GABRA3: variants seen among roughly 807,000 people sequenced by gnomAD.
GABRA3 encodes the protein gamma-aminobutyric acid type A receptor subunit alpha3, also known as gamma-aminobutyric acid receptor subunit alpha-3.
In GABRA3, 10 loss-of-function variants were observed where a neutral mutation model predicts 30.1. That is an observed-to-expected ratio of 0.33 (90% CI 0.20 to 0.56). The LOEUF (loss-of-function observed/expected upper bound fraction) is 0.56, where lower values mean the gene tolerates loss of function less well. Among genes scored for constraint, GABRA3 ranks in the 20% least tolerant of loss-of-function variants. The pLI, the probability that GABRA3 is intolerant of heterozygous loss-of-function variation, is 0.89. For missense variants in GABRA3, 233 were observed against 392.0 expected, an observed-to-expected ratio of 0.59 and a Z score of 3.42; for synonymous variants, 151 against 146.8, an observed-to-expected ratio of 1.03 and a Z score of -0.21.
chrX:152,406,596 T>A (rs865811585), intron 1 of GABRA3, among the ~76,000 whole-genome samples: 5 of 90,972 alleles, frequency 5.5e-5, no homozygotes, highest in Admixed American at 2.5e-4. Context: ...ATATATATAT[T>A]TTTATATGGC....
intron 2 of GABRA3, among the ~76,000 whole-genome samples, chrX:152,363,131 A>G (rs1022428046): frequency 2.7e-5 from 3 of 111,541 alleles, no homozygotes; most frequent in African/African-American, 9.8e-5. Context: ...CACTCAGGGG[A>G]TCTGTAGGGT....
At chrX:152,279,401 G>A (rs1225145581) in intron 4 of GABRA3, among the ~76,000 whole-genome samples, 2 of 111,461 alleles carry the variant, frequency 1.8e-5, no homozygotes, top group Non-Finnish European at 3.8e-5. Context: ...TGTCAGGTTT[G>A]TCAAAGATCA....
intron 2 of GABRA3, among the ~76,000 whole-genome samples, chrX:152,358,134 T>C (rs1458448891): frequency 1.8e-5 from 2 of 111,786 alleles, no homozygotes; most frequent in Non-Finnish European, 3.8e-5. Flanking sequence ...ATCTGTAAAT[T>C]GCTTTTGGAA....
chrX:152,360,456 CA>C (rs946355169), intron 2 of GABRA3, among the ~76,000 whole-genome samples: 1 of 100,566 alleles, frequency 9.9e-6, no homozygotes, highest in African/African-American at 3.6e-5. Flanking sequence ...AACAAAAAAC[CA>C]AACACCGCAT....
chrX:152,249,897 G>A (rs1270050515), intron 5 of GABRA3, among the ~76,000 whole-genome samples: 1 of 110,950 alleles, frequency 9.0e-6, no homozygotes, highest in Non-Finnish European at 1.9e-5. Context: ...ATTTATTGTG[G>A]CTATACCCCA....
intron 1 of GABRA3, among the ~76,000 whole-genome samples, chrX:152,423,948 C>T (rs188998976): frequency 3.1e-4 from 34 of 111,183 alleles, no homozygotes; most frequent in African/African-American, 8.8e-4. Context: ...AAAATACACA[C>T]TAAAACAATA....
At chrX:152,383,280 T>G (rs1266525177) in intron 1 of GABRA3, among the ~76,000 whole-genome samples, 4 of 104,964 alleles carry the variant, frequency 3.8e-5, no homozygotes, top group African/African-American at 1.1e-4. Context: ...TCCCAGCTAC[T>G]CGGGAGGCTG....
intron 2 of GABRA3, among the ~76,000 whole-genome samples, chrX:152,349,858 G>A (rs2124484438): frequency 1.4e-5 from 1 of 73,048 alleles, no homozygotes; most frequent in African/African-American, 5.6e-5. Flanking sequence ...TTAATAATGG[G>A]AGACTTTAAC....
chrX:152,218,331 A>G (rs1937766703), intron 6 of GABRA3, among the ~76,000 whole-genome samples: 1 of 110,879 alleles, frequency 9.0e-6, no homozygotes, highest in East Asian at 2.9e-4. Flanking sequence ...TGTACTTTGT[A>G]TGGTTCCAAT....
intron 1 of GABRA3, among the ~76,000 whole-genome samples, chrX:152,370,344 T>C (rs1274397524): frequency 9.0e-6 from 1 of 111,015 alleles, no homozygotes; most frequent in Non-Finnish European, 1.9e-5. Flanking sequence ...AACAAAGTCA[T>C]TCCACATGTT....
chrX:152,387,764 A>G (rs1023226031), intron 1 of GABRA3, among the ~76,000 whole-genome samples: 1 of 111,864 alleles, frequency 8.9e-6, no homozygotes, highest in Non-Finnish European at 1.9e-5. Flanking sequence ...AATGAACAAA[A>G]GCTTTTTAAA....
intron 3 of GABRA3, among the ~76,000 whole-genome samples, chrX:152,293,806 T>G (rs1272329563): frequency 9.0e-6 from 1 of 111,533 alleles, no homozygotes; most frequent in East Asian, 2.8e-4. Flanking sequence ...CAGGAGCTCT[T>G]GTAAGGCAGG....
chrX:152,321,690 T>C (rs1055430919), intron 3 of GABRA3, among the ~76,000 whole-genome samples: 8 of 111,824 alleles, frequency 7.2e-5, no homozygotes, highest in Non-Finnish European at 1.1e-4. Flanking sequence ...CTATGTAGCA[T>C]CCCTCTCCAC....
intron 1 of GABRA3, among the ~76,000 whole-genome samples, chrX:152,448,258 CAT>C (rs1931136912): frequency 8.9e-6 from 1 of 112,212 alleles, no homozygotes; most frequent in African/African-American, 3.2e-5. Context: ...AGGCCCCTGC[CAT>C]AGACTCTCTG....
At chrX:152,365,336 A>G (rs944501197) in intron 1 of GABRA3, among the ~76,000 whole-genome samples, 2 of 111,717 alleles carry the variant, frequency 1.8e-5, no homozygotes, top group Non-Finnish European at 3.8e-5. Flanking sequence ...AGGGGACACA[A>G]CAAAAAGAGA....
chrX:152,297,282 A>G (rs959888841), intron 3 of GABRA3, among the ~76,000 whole-genome samples: 3 of 111,995 alleles, frequency 2.7e-5, no homozygotes, highest in African/African-American at 9.7e-5. Flanking sequence ...GTTGTTGGAC[A>G]GTAGACACCA....
At chrX:152,239,882 G>A (rs1398821922) in intron 5 of GABRA3, among the ~76,000 whole-genome samples, 1 of 102,097 alleles carries the variant, frequency 9.8e-6, no homozygotes, top group Non-Finnish European at 1.9e-5. Flanking sequence ...TTGAGCCTAT[G>A]TGTGTCTCTG....
chrX:152,189,345 G>A (rs1162426327), intron 9 of GABRA3, among the ~76,000 whole-genome samples: 1 of 111,713 alleles, frequency 9.0e-6, no homozygotes, highest in Non-Finnish European at 1.9e-5. Context: ...AAAGAAAGAT[G>A]ATCATTTTGT....
At chrX:152,253,316 G>A (rs1938586851) in intron 5 of GABRA3, among the ~76,000 whole-genome samples, 1 of 107,701 alleles carries the variant, frequency 9.3e-6, no homozygotes, top group African/African-American at 3.5e-5. Context: ...TCTCTCTCCT[G>A]ATCTTAAGAC....
Sources: gnomAD v4.1 joint callset for allele counts (sites outside exome capture counted in the v4.1 genomes callset) on GRCh38, gnomAD v4.1.1 for gene constraint, MANE v1.5 for transcripts, NCBI Gene and HGNC (gene_info 2026-07-23, HGNC 2026-07-21) for gene names.